The following TRPM3 variants were observed in gnomAD, a reference collection of about 807,000 sequenced individuals.
The protein encoded by TRPM3 is long transient receptor potential channel 3.
In TRPM3, 77 loss-of-function variants were observed where a neutral mutation model predicts 181.2. The ratio of observed to expected loss-of-function variants is 0.42; its 90% CI spans 0.35 to 0.51. The LOEUF is 0.51. TRPM3 is among the 20% of genes least tolerant of loss of function. The probability of loss-of-function intolerance (pLI) is 0.01; values close to 1 mark genes in which losing one functional copy is unlikely to be tolerated. For synonymous variants in TRPM3, 745 were observed against 796.4 expected, an observed-to-expected ratio of 0.94 and a Z score of 1.09; for missense variants, 1,759 against 2,196.7, an observed-to-expected ratio of 0.80 and a Z score of 3.98.
intron 7 of TRPM3, among the ~76,000 whole-genome samples, chr9:70,778,246 T>C (rs1444703639): frequency 6.6e-6 from 1 of 152,168 alleles, no homozygotes; most frequent in Non-Finnish European, 1.5e-5. Context: ...ACTGTTCCAT[T>C]GATAGGATTC....
At chr9:70,585,717 A>G (rs2056989400) in intron 22 of TRPM3, among the ~76,000 whole-genome samples, 1 of 152,026 alleles carries the variant, frequency 6.6e-6, no homozygotes, top group Non-Finnish European at 1.5e-5. Context: ...CTAAAATCTC[A>G]TCCTGCCTGT....
intron 12 of TRPM3, among the ~76,000 whole-genome samples, chr9:70,631,410 A>G (rs1254493076): frequency 2.1e-5 from 3 of 142,898 alleles, no homozygotes. Flanking sequence ...CTTAATTCCC[A>G]TGTAAATGAA....
At chr9:70,934,446 T>C (rs2096805338) in intron 1 of TRPM3, among the ~76,000 whole-genome samples, 1 of 152,162 alleles carries the variant, frequency 6.6e-6, no homozygotes. Flanking sequence ...GGTAGCTGCA[T>C]ATCCATTGTA....
chr9:70,541,895 G>A (rs1389973362), intron 25 of TRPM3, among the ~76,000 whole-genome samples: 1 of 152,210 alleles, frequency 6.6e-6, no homozygotes, highest in East Asian at 1.9e-4. Flanking sequence ...GGCCAAGGCA[G>A]ATGGATCACT....
At chr9:71,341,101 A>G (rs1330781986) in intron 1 of TRPM3, among the ~76,000 whole-genome samples, 2 of 152,170 alleles carry the variant, frequency 1.3e-5, no homozygotes, top group African/African-American at 4.8e-5. Context: ...TAACTGAATA[A>G]ACTGGGAAAA....
At chr9:70,676,783 G>A (rs958529619) in intron 9 of TRPM3, among the ~76,000 whole-genome samples, 1 of 152,024 alleles carries the variant, frequency 6.6e-6, no homozygotes, top group Admixed American at 6.6e-5. Context: ...ACTCAGAAGC[G>A]AAGTTTCTCT....
Position 71,121,519 on chromosome 9 carries a change from C to T in TRPM3, c.-165G>A, listed in dbSNP as rs2073639106. The T allele has an allele frequency of 5.7e-6, 8 of 1,403,990 alleles. No homozygotes were observed. Among genetic ancestry groups the T allele is most frequent in the Non-Finnish European group, 7.4e-6 (8 of 1,082,482 alleles). The allele number at this position is 1,403,990 out of a possible 1,614,324, so 87.0% of individuals were successfully genotyped here. A position where few individuals can be genotyped will look rare whatever the true frequency, so the allele number is the denominator to read the frequency against. ...CATACCAAATGTGGCTGAATGGAGG[C>T]ACACTGCCTGCTGCTTCGGGGAGGG... On this transcript the variant is annotated 5_prime_UTR_variant, in exon 1 of 26. Coordinates refer to ENST00000677713, the MANE Select transcript of TRPM3 (RefSeq NM_001366145.2).
rs140120793 is a variant in TRPM3 at position 70,958,653 on chromosome 9, C to A, written c.178-94142G>T. On this transcript the variant is annotated intron_variant, in intron 1 of 25. Coordinates refer to ENST00000677713, the MANE Select transcript of TRPM3 (RefSeq NM_001366145.2). ...ACCATTTGACCCAGCCATCCCATTT[C>A]TGGGTATATACCCAAAGGACTATAA... 4.1e-3 allele frequency among the ~76,000 whole-genome samples: 622 copies of A among 152,220 alleles called. 7 individuals carry two copies. Among genetic ancestry groups the A allele is most frequent in the African/African-American group, 0.014 (578 of 41,548 alleles).
intron 1 of TRPM3, among the ~76,000 whole-genome samples, chr9:71,200,550 G>C (rs565263412): frequency 1.3e-5 from 2 of 152,136 alleles, no homozygotes; most frequent in African/African-American, 4.8e-5. Flanking sequence ...TATGAATCTG[G>C]GTGCTCCTGC....
At chr9:70,543,892 C>A (rs952004002) in intron 25 of TRPM3, among the ~76,000 whole-genome samples, 1 of 152,114 alleles carries the variant, frequency 6.6e-6, no homozygotes, top group Non-Finnish European at 1.5e-5. Context: ...GCAGGCAGAT[C>A]AAGTATGTAG....
intron 7 of TRPM3, among the ~76,000 whole-genome samples, chr9:70,783,362 C>G (rs1296201218): frequency 2.6e-5 from 4 of 152,126 alleles, no homozygotes; most frequent in African/African-American, 9.7e-5. Flanking sequence ...TTTACCCCCT[C>G]AATCTCACTC....
intron 1 of TRPM3, among the ~76,000 whole-genome samples, chr9:71,133,813 T>C (rs1191647843): frequency 6.6e-6 from 1 of 152,216 alleles, no homozygotes; most frequent in Non-Finnish European, 1.5e-5. Context: ...GCAGATGTTA[T>C]GCTGAAGAAA....
At chr9:70,646,847 T>A (rs554169284) in intron 9 of TRPM3, among the ~76,000 whole-genome samples, 1 of 138,632 alleles carries the variant, frequency 7.2e-6, no homozygotes, top group African/African-American at 2.7e-5. Context: ...ATGACAAAGA[T>A]GACATTACCA....
At chr9:71,383,117 G>C (rs1436840289) in intron 1 of TRPM3, among the ~76,000 whole-genome samples, 1 of 151,982 alleles carries the variant, frequency 6.6e-6, no homozygotes, top group Non-Finnish European at 1.5e-5. Context: ...TTTTTAAATA[G>C]AGCATAAAAG....
intron 1 of TRPM3, among the ~76,000 whole-genome samples, chr9:70,959,169 A>G (rs1332186685): frequency 2.6e-5 from 4 of 151,812 alleles, no homozygotes; most frequent in Non-Finnish European, 5.9e-5. Context: ...TAAAAAAAAG[A>G]AAAAAAATAT....
At chr9:71,295,895 A>G (rs1447389933) in intron 1 of TRPM3, among the ~76,000 whole-genome samples, 1 of 152,190 alleles carries the variant, frequency 6.6e-6, no homozygotes, top group South Asian at 2.1e-4. Flanking sequence ...TAGAAGTAGA[A>G]GTTGGTCAAC....
At chr9:71,170,662 A>C (rs2076803337) in intron 1 of TRPM3, among the ~76,000 whole-genome samples, 1 of 152,158 alleles carries the variant, frequency 6.6e-6, no homozygotes, top group Admixed American at 6.5e-5. Flanking sequence ...GACACTTATC[A>C]CTTCTCCAAT....
intron 1 of TRPM3, among the ~76,000 whole-genome samples, chr9:71,337,737 G>T (rs907571665): frequency 1.3e-5 from 2 of 152,148 alleles, no homozygotes; most frequent in Non-Finnish European, 1.5e-5. Flanking sequence ...GTACACTATG[G>T]AATACTATGC....
At chr9:70,666,122 A>G (rs2061810165) in intron 9 of TRPM3, among the ~76,000 whole-genome samples, 1 of 152,174 alleles carries the variant, frequency 6.6e-6, no homozygotes, top group South Asian at 2.1e-4. Flanking sequence ...TACTCTTGTG[A>G]CATCTCCTCT....
Sources: gnomAD v4.1 joint callset for allele counts (sites outside exome capture counted in the v4.1 genomes callset) on GRCh38, gnomAD v4.1.1 for gene constraint, MANE v1.5 for transcripts, NCBI Gene and HGNC (gene_info 2026-07-23, HGNC 2026-07-21) for gene names.